Variants in FNDC3A observed in about 807,000 individuals in gnomAD.
FNDC3A encodes the protein fibronectin type-III domain-containing protein 3A.
FNDC3A carries 32 observed loss-of-function variants against 148.9 expected under a neutral mutation model. The ratio of observed to expected loss-of-function variants is 0.21; its 90% confidence interval spans 0.16 to 0.29. The LOEUF (loss-of-function observed/expected upper bound fraction) is 0.29, where lower values mean the gene tolerates loss of function less well. Among genes scored for constraint, FNDC3A ranks in the 10% least tolerant of loss-of-function variants. The pLI, the probability that FNDC3A is intolerant of heterozygous loss-of-function variation, is 1.00. For synonymous variants in FNDC3A, 472 were observed against 473.6 expected (o/e 1.00, Z 0.04); for missense variants, 1,191 against 1,452.8 (o/e 0.82, Z 2.93).
intron 3 of FNDC3A, among the ~76,000 whole-genome samples, chr13:49,092,310 C>T (rs2137819450): frequency 6.6e-6 from 1 of 152,332 alleles, no homozygotes; most frequent in East Asian, 1.9e-4. Flanking sequence ...CCTCCAAAAT[C>T]CAGTTAGGCC....
intron 1 of FNDC3A, among the ~76,000 whole-genome samples, chr13:48,982,596 A>G (rs183533087): frequency 6.6e-6 from 1 of 152,194 alleles, no homozygotes; most frequent in Admixed American, 6.5e-5. Flanking sequence ...AGGATATTTA[A>G]AAAACATGAA....
chr13:49,003,400 C>T (rs1186185146), intron 1 of FNDC3A, among the ~76,000 whole-genome samples: 2 of 152,198 alleles, frequency 1.3e-5, no homozygotes, highest in Middle Eastern at 3.4e-3. Flanking sequence ...ATTCAAGTCT[C>T]TTGTTATTTT....
intron 2 of FNDC3A, among the ~76,000 whole-genome samples, chr13:49,026,930 A>C (rs141975092): frequency 0.012 from 1,828 of 152,296 alleles, 14 homozygotes; most frequent in Non-Finnish European, 0.02. Flanking sequence ...CAGAGGAAGG[A>C]TTGATTGGCT....
intron 22 of FNDC3A, 27 bp from the exon 23 acceptor site, chr13:49,198,335 A>G: frequency 6.2e-7 from 1 of 1,612,780 alleles, no homozygotes; most frequent in Non-Finnish European, 8.5e-7. Context: ...AATCATAACC[A>G]AACTTTTTTT....
chr13:48,980,508 A>G (rs572627013), intron 1 of FNDC3A, among the ~76,000 whole-genome samples: 2 of 152,322 alleles, frequency 1.3e-5, no homozygotes, highest in Non-Finnish European at 1.5e-5. Context: ...AGAAAAGATT[A>G]TATCATGTGC....
chr13:49,180,982 GA>G (rs1454084694), intron 14 of FNDC3A, among the ~76,000 whole-genome samples: 2 of 152,200 alleles, frequency 1.3e-5, no homozygotes, highest in Non-Finnish European at 2.9e-5. Flanking sequence ...TTCGGAGGCT[GA>G]GACAGGAGGA....
At chr13:49,160,440 T>C (rs1884025130) in intron 8 of FNDC3A, among the ~76,000 whole-genome samples, 1 of 152,218 alleles carries the variant, frequency 6.6e-6, no homozygotes, top group Non-Finnish European at 1.5e-5. Context: ...TGGTAGTTTG[T>C]ATTTCTGTGG....
At chr13:49,004,969 A>T (rs987125327) in intron 1 of FNDC3A, among the ~76,000 whole-genome samples, 1 of 151,934 alleles carries the variant, frequency 6.6e-6, no homozygotes, top group African/African-American at 2.4e-5. Context: ...ACTTTAGTAT[A>T]GCAATACAGG....
At chr13:49,196,119 C>T (rs899447719) in intron 19 of FNDC3A, among the ~76,000 whole-genome samples, 10 of 148,826 alleles carry the variant, frequency 6.7e-5, no homozygotes, top group African/African-American at 1.7e-4. Flanking sequence ...GTTGAGCTAG[C>T]TCTTAAAGAT....
chr13:49,197,674 CTATT>C (rs1468735768), intron 20 of FNDC3A, 47 bp from the exon 21 acceptor site: 3 of 1,522,750 alleles, frequency 2.0e-6, no homozygotes, highest in Non-Finnish European at 2.6e-6. Context: ...TGGCCAAAAG[CTATT>C]TAATCAACAT....
chr13:49,091,579 C>T (rs1489141559), intron 3 of FNDC3A, among the ~76,000 whole-genome samples: 6 of 152,202 alleles, frequency 3.9e-5, no homozygotes, highest in African/African-American at 9.7e-5. Context: ...TGTTGTCCTT[C>T]AAGAATGTCC....
intron 3 of FNDC3A, among the ~76,000 whole-genome samples, chr13:49,096,628 G>A (rs1879542145): frequency 6.6e-6 from 1 of 152,192 alleles, no homozygotes; most frequent in East Asian, 1.9e-4. Flanking sequence ...CACTGAATGT[G>A]TGCTCTTTTC....
At chr13:49,121,388 A>G (rs1363792727) in intron 4 of FNDC3A, among the ~76,000 whole-genome samples, 6 of 152,276 alleles carry the variant, frequency 3.9e-5, no homozygotes, top group African/African-American at 1.4e-4. Flanking sequence ...CCACATGAGA[A>G]AGCGGGAAAA....
At chr13:48,994,052 A>G (rs1951974255) in intron 1 of FNDC3A, among the ~76,000 whole-genome samples, 1 of 152,200 alleles carries the variant, frequency 6.6e-6, no homozygotes, top group Non-Finnish European at 1.5e-5. Flanking sequence ...TAATCTTGCT[A>G]ATGTTCTTTA....
At chr13:49,098,245 T>C (rs1879654083) in intron 3 of FNDC3A, among the ~76,000 whole-genome samples, 2 of 152,240 alleles carry the variant, frequency 1.3e-5, no homozygotes, top group Admixed American at 6.5e-5. Context: ...GCAGTCTGCA[T>C]GGTAGATGAC....
intron 8 of FNDC3A, among the ~76,000 whole-genome samples, chr13:49,162,766 G>A (rs1593688544): frequency 6.6e-6 from 1 of 152,258 alleles, no homozygotes; most frequent in East Asian, 1.9e-4. Flanking sequence ...TTTGGTCTTT[G>A]CTGATAGTGA....
intron 8 of FNDC3A, among the ~76,000 whole-genome samples, chr13:49,148,288 A>T (rs1367038504): frequency 6.6e-6 from 1 of 151,978 alleles, no homozygotes; most frequent in Non-Finnish European, 1.5e-5. Context: ...TCTTTGCTTA[A>T]ACCAGTGTCC....
At position 49,130,379 on chromosome 13, in the gene FNDC3A, C is replaced by T. The variant is rs996079682; in HGVS notation, c.253-758C>T. On this transcript the variant is annotated intron_variant, in intron 4 of 25. Coordinates refer to ENST00000492622, the MANE Select transcript of FNDC3A (RefSeq NM_001079673.2). ...GTCATGGTCATAAGAATTTTACATC[C>T]AAATTCTAACATGTCATTGATTATC... Among the ~76,000 whole-genome samples the T allele has an allele frequency of 1.6e-4, 25 of 152,156 alleles. No homozygotes were observed. The East Asian group carries it at 4.8e-3, about 29-fold the overall frequency.
At chr13:49,169,617 G>A (rs1884654026) in intron 10 of FNDC3A, among the ~76,000 whole-genome samples, 1 of 152,150 alleles carries the variant, frequency 6.6e-6, no homozygotes, top group Non-Finnish European at 1.5e-5. Context: ...CTAGAATGGG[G>A]TACCACTCCT....
Sources: allele counts gnomAD v4.1 joint callset (sites outside exome capture counted in the v4.1 genomes callset), GRCh38; gene constraint gnomAD v4.1.1; transcripts MANE v1.5; gene names NCBI Gene and HGNC (gene_info 2026-07-23, HGNC 2026-07-21).